DISC1: variants seen among roughly 807,000 people sequenced by gnomAD.
The protein encoded by DISC1 is disrupted in schizophrenia 1 protein.
In DISC1, 57 loss-of-function variants were observed where a neutral mutation model predicts 84.5. That is an observed-to-expected ratio of 0.67 (90% CI 0.55 to 0.84). The LOEUF (loss-of-function observed/expected upper bound fraction) is 0.84. DISC1 is among the 40% of genes least tolerant of loss of function. The pLI is 0.00. For missense variants in DISC1, 1,000 were observed against 1,057.8 expected (o/e 0.95, Z 0.76); for synonymous variants, 411 against 415.2 (o/e 0.99, Z 0.12).
chr1:231,894,020 G>A (rs1375659757), intron 9 of DISC1, among the ~76,000 whole-genome samples: 1 of 152,134 alleles, frequency 6.6e-6, no homozygotes, highest in Non-Finnish European at 1.5e-5. Flanking sequence ...TACTAGTTTG[G>A]GAATTCGTAG....
chr1:231,740,955 A>C (rs900245675), intron 3 of DISC1, among the ~76,000 whole-genome samples: 16 of 152,168 alleles, frequency 1.1e-4, no homozygotes, highest in African/African-American at 3.9e-4. Context: ...TGGATTAGAG[A>C]TGCTCAACCT....
intron 3 of DISC1, among the ~76,000 whole-genome samples, chr1:231,732,364 G>A (rs1288362122): frequency 6.6e-6 from 1 of 152,074 alleles, no homozygotes; most frequent in Non-Finnish European, 1.5e-5. Context: ...ATCTCTGTTT[G>A]GCTTCATAAT....
chr1:232,026,641 G>A (rs1669487966), intron 12 of DISC1, 89 bp downstream of exon 12: 3 of 868,038 alleles, frequency 3.5e-6, no homozygotes, highest in Non-Finnish European at 5.6e-6. Context: ...CTCAGAAGAT[G>A]GCAACAAATA....
intron 3 of DISC1, chr1:231,722,715 C>A: frequency 6.4e-7 from 1 of 1,559,716 alleles, no homozygotes; most frequent in South Asian, 1.2e-5. Context: ...AGAATACGCT[C>A]ATTTATGATC....
rs530414571 is a variant in DISC1, at chr1:231,821,824, C to A, written c.1981+3307C>A. Among the ~76,000 whole-genome samples the A allele has an allele frequency of 7.9e-5, 12 of 151,920 alleles. No individual in the cohort carries two copies. In the East Asian group the frequency reaches 2.1e-3, roughly 27 times the overall value. On this transcript the variant is annotated intron_variant, in intron 9 of 12. Transcript: ENST00000439617. ...CGTCTCCCAGGTTCAAGCGATTCTC[C>A]TGCCTCAGCCTCCCAGGTAGCTGGG...
At chr1:231,771,698 T>A in intron 6 of DISC1, 2 of 566,408 alleles carry the variant, frequency 3.5e-6, no homozygotes, top group Non-Finnish European at 4.5e-6. Flanking sequence ...TCCTGTTCAT[T>A]AATTCTGAAG....
intron 9 of DISC1, among the ~76,000 whole-genome samples, chr1:231,907,274 A>G (rs1000928203): frequency 4.0e-5 from 6 of 151,620 alleles, no homozygotes; most frequent in Non-Finnish European, 8.8e-5. Context: ...CCATTAACTC[A>G]TCATTTACAT....
intron 8 of DISC1, among the ~76,000 whole-genome samples, chr1:231,807,200 C>T (rs781012827): frequency 5.3e-5 from 8 of 152,228 alleles, no homozygotes; most frequent in Non-Finnish European, 8.8e-5. Context: ...TATCGGTGCT[C>T]GTTGACCTGA....
At chr1:231,676,002 C>T (rs528426333) in intron 1 of DISC1, among the ~76,000 whole-genome samples, 62 of 152,222 alleles carry the variant, frequency 4.1e-4, no homozygotes, top group Non-Finnish European at 6.8e-4. Context: ...GCGTGCGCCT[C>T]CACACCCAGC....
chr1:231,851,906 C>T (rs1260838984), intron 9 of DISC1, among the ~76,000 whole-genome samples: 2 of 152,172 alleles, frequency 1.3e-5, no homozygotes, highest in African/African-American at 2.4e-5. Context: ...TTAACCTGGA[C>T]AGCTTTGGTG....
chr1:231,794,593 C>T (rs895640010), intron 6 of DISC1, among the ~76,000 whole-genome samples: 9 of 152,142 alleles, frequency 5.9e-5, no homozygotes, highest in Admixed American at 4.6e-4. Context: ...TCCAGGAATT[C>T]TTTAAGCACT....
At chr1:231,768,790 G>A (rs963941327) in intron 5 of DISC1, among the ~76,000 whole-genome samples, 2 of 152,214 alleles carry the variant, frequency 1.3e-5, no homozygotes, top group African/African-American at 4.8e-5. Context: ...GTATGTTATA[G>A]GGTGATAAGA....
chr1:232,021,608 A>G (rs1416094471), intron 11 of DISC1, among the ~76,000 whole-genome samples: 1 of 152,200 alleles, frequency 6.6e-6, no homozygotes, highest in East Asian at 1.9e-4. Context: ...CTAACTAGGT[A>G]CCAGTGAAGA....
chr1:231,752,975 A>G (rs1428028761), intron 4 of DISC1, among the ~76,000 whole-genome samples: 1 of 152,242 alleles, frequency 6.6e-6, no homozygotes, highest in Non-Finnish European at 1.5e-5. Flanking sequence ...GTGGGCTCCC[A>G]TAACCTTGGG....
intron 1 of DISC1, among the ~76,000 whole-genome samples, chr1:231,684,224 C>T (rs566889261): frequency 6.6e-6 from 1 of 152,168 alleles, no homozygotes; most frequent in South Asian, 2.1e-4. Flanking sequence ...TCATTGCAGC[C>T]CTGAACTCCT....
At chr1:231,900,073 T>C (rs1019628675) in intron 9 of DISC1, among the ~76,000 whole-genome samples, 6 of 152,218 alleles carry the variant, frequency 3.9e-5, no homozygotes, top group African/African-American at 1.2e-4. Context: ...TAAGATGCAG[T>C]CTTCTGAATA....
chr1:232,002,594 AGC>A (rs1491377308), intron 10 of DISC1, among the ~76,000 whole-genome samples: 1 of 114,312 alleles, frequency 8.7e-6, no homozygotes, highest in Admixed American at 9.4e-5. Flanking sequence ...AATTATGCTG[AGC>A]ACACACACAC....
rs1456853484 is a variant in DISC1, at chr1:231,688,728, A to G, written c.68-5098A>G. On this transcript the variant is annotated intron_variant, in intron 1 of 12. Coordinates refer to ENST00000439617, the MANE Select transcript of DISC1 (RefSeq NM_018662.3). Reference sequence around the variant, plus strand: ...TATGCCTGACTGACATCCCTTCCTAAAGCATAAGCAGTTTGAGGGCAGGGA... The same window carrying G: ...TATGCCTGACTGACATCCCTTCCTAGAGCATAAGCAGTTTGAGGGCAGGGA... 2.0e-5 allele frequency among the ~76,000 whole-genome samples: 3 copies of G among 152,150 alleles called. 1 individual carries two copies. The highest frequency in any genetic ancestry group is 7.2e-5 in the African/African-American group (3 of 41,416).
intron 10 of DISC1, chr1:231,959,366 A>G (rs1416090658): frequency 1.1e-5 from 11 of 985,882 alleles, no homozygotes; most frequent in Non-Finnish European, 1.3e-5. Context: ...TTAGGAATTC[A>G]TCTTTGAGAA....
Sources: allele counts gnomAD v4.1 joint callset (sites outside exome capture counted in the v4.1 genomes callset), GRCh38; gene constraint gnomAD v4.1.1; transcripts MANE v1.5; gene names NCBI Gene and HGNC (gene_info 2026-07-23, HGNC 2026-07-21).